Variants in UGGT1 observed in about 807,000 individuals in gnomAD.
The protein encoded by UGGT1 is UDP-glucose:glycoprotein glucosyltransferase 1.
Under a neutral mutation model 203.9 loss-of-function variants are expected in UGGT1, and 107 were observed. The observed-to-expected ratio is 0.52, with a 90% CI of 0.45 to 0.62. The LOEUF (loss-of-function observed/expected upper bound fraction) is 0.62, where lower values mean the gene tolerates loss of function less well. Among genes scored for constraint, UGGT1 ranks in the 20% least tolerant of loss-of-function variants. The pLI is 0.00. For missense variants in UGGT1, 1,673 were observed against 1,867.2 expected (o/e 0.90, Z 1.92); for synonymous variants, 628 against 653.5 (o/e 0.96, Z 0.59).
rs533787749 is a variant in UGGT1 at position 128,129,020 on chromosome 2, T to C, written c.1227-9T>C. On this transcript the variant is annotated splice_polypyrimidine_tract_variant and intron_variant, in intron 12 of 40. Transcript: ENST00000259253. The stretch of plus-strand genomic sequence containing the variant: ...CCTAGTAAATATCTCTTTTTGTTTT[T>C]CCCCCCAGTCTGTTTGATGTGTTGA... 9.0e-6 allele frequency: 14 copies of C among 1,548,074 alleles called. No homozygotes were observed. The highest frequency in any genetic ancestry group is 1.4e-5 in the African/African-American group (1 of 71,260).
intron 18 of UGGT1, among the ~76,000 whole-genome samples, chr2:128,148,326 C>G (rs560348553): frequency 6.6e-6 from 1 of 152,350 alleles, no homozygotes; most frequent in East Asian, 1.9e-4. Flanking sequence ...GATCCACTCA[C>G]CTCGGCCTTC....
chr2:128,106,871 G>C (rs1380226309), intron 3 of UGGT1, among the ~76,000 whole-genome samples: 10 of 152,060 alleles, frequency 6.6e-5, no homozygotes, highest in African/African-American at 2.2e-4. Flanking sequence ...TTTTTAAAAA[G>C]AGACGCACTA....
At chr2:128,185,757 G>T (rs1277365615) in intron 38 of UGGT1, among the ~76,000 whole-genome samples, 1 of 152,096 alleles carries the variant, frequency 6.6e-6, no homozygotes, top group Non-Finnish European at 1.5e-5. Flanking sequence ...TAGTCTGTTG[G>T]CAGGGTTTTG....
At chr2:128,122,360 G>T (rs1381593177) in intron 10 of UGGT1, among the ~76,000 whole-genome samples, 1 of 151,884 alleles carries the variant, frequency 6.6e-6, no homozygotes, top group African/African-American at 2.4e-5. Context: ...TGGTGAAACC[G>T]CTTTTCTACT....
rs1692394336 is a variant in UGGT1, at chr2:128,193,884, A to C, written c.*4142A>C. Reference sequence around the variant, plus strand: ...TACCTATGTGGCCTGAACGATTAAAAGAAAGAACTCAGAGTTACAAGGGAA... The same window carrying C: ...TACCTATGTGGCCTGAACGATTAAACGAAAGAACTCAGAGTTACAAGGGAA... On this transcript the variant is annotated 3_prime_UTR_variant, in exon 41 of 41. Coordinates refer to ENST00000259253, the MANE Select transcript of UGGT1 (RefSeq NM_020120.4). 6.6e-6 allele frequency: 1 copy of C among 152,182 alleles called. No individual in the cohort carries two copies. Among genetic ancestry groups the C allele is most frequent in the Non-Finnish European group, 1.5e-5 (1 of 68,034 alleles). 9.4% of individuals were successfully genotyped at this position (152,182 alleles called of 1,614,324 possible). A position where few individuals can be genotyped will look rare whatever the true frequency, so the allele number is the denominator to read the frequency against.
chr2:128,158,523 A>G (rs1400019276), intron 22 of UGGT1, among the ~76,000 whole-genome samples: 1 of 152,190 alleles, frequency 6.6e-6, no homozygotes, highest in African/African-American at 2.4e-5. Context: ...TTTATTCATG[A>G]TGTTACAAGT....
intron 13 of UGGT1, among the ~76,000 whole-genome samples, chr2:128,129,424 A>G (rs1458580064): frequency 6.9e-6 from 1 of 143,924 alleles, no homozygotes; most frequent in Non-Finnish European, 1.5e-5. Context: ...TTCAAGACAG[A>G]GTCTTGCTCT....
intron 26 of UGGT1, 31 bp downstream of exon 26, chr2:128,164,856 T>A (rs770955392): frequency 4.6e-6 from 7 of 1,517,158 alleles, no homozygotes; most frequent in Middle Eastern, 1.7e-4. Context: ...TTGTGCATAT[T>A]CTTGAATATT....
In UGGT1 at chr2:128,189,811, G is replaced by T. The variant is rs1237941263; in HGVS notation, c.*69G>T. ...TTTATAATAAATGCTAGTTTTTTCT[G>T]ATCTGTCTATACAACTGCTGATAAG... On this transcript the variant is annotated 3_prime_UTR_variant, in exon 41 of 41. Transcript: ENST00000259253. 1.9e-6 allele frequency: 3 copies of T among 1,572,470 alleles called. No homozygotes were observed. Among genetic ancestry groups the T allele is most frequent in the Non-Finnish European group, 2.6e-6 (3 of 1,148,886 alleles).
intron 8 of UGGT1, among the ~76,000 whole-genome samples, chr2:128,118,153 A>G (rs771962427): frequency 6.6e-6 from 1 of 152,172 alleles, no homozygotes; most frequent in African/African-American, 2.4e-5. Context: ...ATTGAATTAC[A>G]TGTTGAGTTC....
intron 18 of UGGT1, among the ~76,000 whole-genome samples, chr2:128,149,463 T>C (rs574842169): frequency 6.7e-6 from 1 of 149,358 alleles, no homozygotes; most frequent in East Asian, 2.0e-4. Flanking sequence ...GCTAACACGG[T>C]GAAACCCTGT....
Position 128,173,900 on chromosome 2 carries a change from C to T in UGGT1, c.3414C>T (p.Ala1138=), listed in dbSNP as rs369137360. The T allele has an allele frequency of 1.2e-6, 2 of 1,614,186 alleles. No individual in the cohort carries two copies. The highest frequency in any genetic ancestry group is 1.7e-6 in the Non-Finnish European group (2 of 1,180,032). ...RGLQFTLGTS[A]NPVIVDTIVM... Reference sequence around the variant, plus strand: ...TACAGTTTACCTTAGGAACTTCAGCCAACCCGGTCATTGTGGACACCATTG... The same window carrying T: ...TACAGTTTACCTTAGGAACTTCAGCTAACCCGGTCATTGTGGACACCATTG... Residue 1138 remains alanine, a synonymous_variant, in exon 30 of 41, where the codon GCC becomes GCT. Coordinates refer to ENST00000259253, the MANE Select transcript of UGGT1 (RefSeq NM_020120.4).
At chr2:128,100,072 C>T (rs1379407485) in intron 2 of UGGT1, among the ~76,000 whole-genome samples, 1 of 122,612 alleles carries the variant, frequency 8.2e-6, no homozygotes, top group Admixed American at 1.1e-4. Context: ...TTTTGTCACC[C>T]AGACTGGAGT....
chr2:128,128,604 G>A (rs551928787), intron 12 of UGGT1, among the ~76,000 whole-genome samples: 26 of 152,272 alleles, frequency 1.7e-4, no homozygotes, highest in African/African-American at 3.4e-4. Context: ...GAGCCACCGC[G>A]CCCAGCCCTT....
chr2:128,105,915 A>G lies in UGGT1; in HGVS notation c.277+1901A>G, dbSNP rs537036880. 1.8e-3 allele frequency among the ~76,000 whole-genome samples: 280 copies of G among 152,186 alleles called. 1 individual carries two copies. The highest frequency in any genetic ancestry group is 5.1e-3 in the Admixed American group (78 of 15,284). On this transcript the variant is annotated intron_variant, in intron 3 of 40. Coordinates refer to ENST00000259253, the MANE Select transcript of UGGT1 (RefSeq NM_020120.4). ...CCTGCTCAAGCAGTGTTCCTGCTTC[A>G]TCTTCCTCAGTAGCTGGTATTATAG...
chr2:128,115,022 G>A lies in UGGT1; in HGVS notation c.697-102G>A, dbSNP rs960515002. The A allele has an allele frequency of 2.1e-5, 20 of 963,732 alleles. No individual in the cohort carries two copies. The African/African-American group carries it at 2.4e-4, about 12-fold the overall frequency. The allele number at this position is 963,732 out of a possible 1,614,324, so 59.7% of individuals were successfully genotyped here. A position where few individuals can be genotyped will look rare whatever the true frequency, so the allele number is the denominator to read the frequency against. On this transcript the variant is annotated intron_variant, in intron 6 of 40. Transcript: ENST00000259253. ...TAAAGATATTTTGAGGGCATAATCC[G>A]AGGTAATGGCTAGTAGATGCAACAT...
chr2:128,110,089 AAAT>A (rs1196331547), intron 5 of UGGT1, among the ~76,000 whole-genome samples: 1 of 152,228 alleles, frequency 6.6e-6, no homozygotes, highest in Non-Finnish European at 1.5e-5. Context: ...CCAATGCCTG[AAAT>A]AATGATATTA....
Position 128,123,209 on chromosome 2 carries a change from G to C in UGGT1, c.1097G>C (p.Ser366Thr). 6.2e-7 allele frequency: 1 copy of C among 1,613,540 alleles called. No homozygotes were observed. Among genetic ancestry groups the C allele is most frequent in the Non-Finnish European group, 8.5e-7 (1 of 1,179,720 alleles). The change falls in exon 11 of 41, where the codon AGC (serine) becomes ACC (threonine). Residue 366 changes from serine (S) to threonine (T), a missense_variant. By Grantham distance (58) the Ser-to-Thr change is moderately conservative. Coordinates refer to ENST00000259253, the MANE Select transcript of UGGT1 (RefSeq NM_020120.4). The part of the protein sequence containing the change: ...KARAITKTAV[S>T]SELRTEVEEN... ...AGAGCAATAACAAAAACAGCTGTGA[G>C]CTCAGAACTTAGAACCGAAGTGGAA...
chr2:128,143,845 A>G (rs1689556484), intron 17 of UGGT1, among the ~76,000 whole-genome samples: 1 of 151,812 alleles, frequency 6.6e-6, no homozygotes. Context: ...TTTTTTAACT[A>G]CAGCAGCTTT....
Sources: gnomAD v4.1 joint callset for allele counts (sites outside exome capture counted in the v4.1 genomes callset) on GRCh38, gnomAD v4.1.1 for gene constraint, MANE v1.5 for transcripts, NCBI Gene and HGNC (gene_info 2026-07-23, HGNC 2026-07-21) for gene names.